Variants in PCDHA9 observed in about 807,000 individuals in gnomAD.
PCDHA9 encodes the protein protocadherin alpha-9.
A neutral mutation model predicts 62.0 loss-of-function variants in PCDHA9; 62 were observed. The ratio of observed to expected loss-of-function variants is 1.00; its 90% CI spans 0.81 to 1.23. The LOEUF is 1.23. PCDHA9 is among the 50% of genes most tolerant of loss of function. PCDHA9 has a pLI of 0.00. For synonymous variants in PCDHA9, 557 were observed against 567.6 expected, an observed-to-expected ratio of 0.98 and a Z score of 0.27; for missense variants, 1,205 against 1,249.8, an observed-to-expected ratio of 0.96 and a Z score of 0.54.
intron 1 of PCDHA9, among the ~76,000 whole-genome samples, chr5:140,961,220 G>T (rs2095597952): frequency 6.6e-6 from 1 of 152,032 alleles, no homozygotes; most frequent in Non-Finnish European, 1.5e-5. Flanking sequence ...GAAGAAACTG[G>T]GTCCCAAAAA....
At chr5:140,858,512 T>C in intron 1 of PCDHA9, 1 of 1,426,790 alleles carries the variant, frequency 7.0e-7, no homozygotes, top group Non-Finnish European at 9.7e-7. Flanking sequence ...CTCAAATATG[T>C]ATCAGAATAT....
At chr5:140,852,978 A>T in intron 1 of PCDHA9, 1 of 358,934 alleles carries the variant, frequency 2.8e-6, no homozygotes, top group Non-Finnish European at 4.1e-6. Flanking sequence ...TCCCGTGTTC[A>T]CGCCATTCTC....
intron 1 of PCDHA9, among the ~76,000 whole-genome samples, chr5:140,973,010 T>C (rs2096567986): frequency 6.6e-6 from 1 of 152,080 alleles, no homozygotes; most frequent in Admixed American, 6.6e-5. Context: ...GGTCGTGGTG[T>C]TGTGATTGTT....
At chr5:140,937,009 C>A (rs1409113092) in intron 1 of PCDHA9, among the ~76,000 whole-genome samples, 11 of 151,930 alleles carry the variant, frequency 7.2e-5, no homozygotes, top group African/African-American at 1.9e-4. Context: ...AGACAGACAA[C>A]CGATTAACAA....
chr5:140,970,873 A>G (rs138100298), intron 1 of PCDHA9, among the ~76,000 whole-genome samples: 80 of 152,316 alleles, frequency 5.3e-4, no homozygotes, highest in African/African-American at 1.8e-3. Context: ...GATTGAGAGT[A>G]GATTTTTCTC....
At chr5:140,940,894 T>G (rs1364224332) in intron 1 of PCDHA9, among the ~76,000 whole-genome samples, 1 of 152,240 alleles carries the variant, frequency 6.6e-6, no homozygotes, top group Non-Finnish European at 1.5e-5. Flanking sequence ...AGTAAACCAC[T>G]TTAAATCAAG....
intron 1 of PCDHA9, among the ~76,000 whole-genome samples, chr5:140,935,364 G>A (rs1480423579): frequency 2.0e-5 from 3 of 152,008 alleles, no homozygotes; most frequent in African/African-American, 4.8e-5. Flanking sequence ...TTTCATTAAC[G>A]TCAACAGAAT....
intron 1 of PCDHA9, chr5:140,857,893 T>A (rs781996912): frequency 6.3e-7 from 1 of 1,596,578 alleles, no homozygotes; most frequent in South Asian, 1.1e-5. Flanking sequence ...CGGCGGCGGT[T>A]GGTGCACGCA....
Position 140,849,541 on chromosome 5 carries a change from A to C in PCDHA9, c.1046A>C (p.Gln349Pro). Reference protein sequence around the residue: ...EVVDVNDNAPQLTIKTLSVPV... With the variant: ...EVVDVNDNAPPLTIKTLSVPV... ...GTGGATGTAAATGACAATGCTCCAC[A>C]GTTGACTATCAAAACGCTCTCGGTT... Residue 349 changes from glutamine to proline, a missense_variant, in exon 1 of 4, where the codon CAG becomes CCG. Gln to Pro is a moderately conservative substitution (Grantham distance 76, BLOSUM62 -1). Transcript: ENST00000532602. 6.3e-7 allele frequency: 1 copy of C among 1,598,262 alleles called. No individual in the cohort carries two copies. Among genetic ancestry groups the C allele is most frequent in the Non-Finnish European group, 8.6e-7 (1 of 1,167,810 alleles).
chr5:140,910,019 T>C (rs2074838579), intron 1 of PCDHA9, among the ~76,000 whole-genome samples: 1 of 152,222 alleles, frequency 6.6e-6, no homozygotes, highest in Non-Finnish European at 1.5e-5. Flanking sequence ...CATCCTTGTA[T>C]CCCTGGGATA....
chr5:140,884,305 G>A (rs1223534357), intron 1 of PCDHA9: 2 of 1,613,602 alleles, frequency 1.2e-6, no homozygotes, highest in Non-Finnish European at 1.7e-6. Context: ...CACAGGCTTC[G>A]TCGAGGGCGT....
chr5:140,954,405 G>T (rs246023), intron 1 of PCDHA9, among the ~76,000 whole-genome samples: 85,299 of 151,648 alleles, frequency 0.56, 24,568 homozygotes, highest in African/African-American at 0.69. Context: ...CCACCAACAG[G>T]GTAAAGGTGT....
intron 1 of PCDHA9, among the ~76,000 whole-genome samples, chr5:140,890,783 A>G (rs150043569): frequency 1.3e-5 from 2 of 152,302 alleles, no homozygotes; most frequent in African/African-American, 4.8e-5. Context: ...CCCATAAGAT[A>G]TTAGTATTAT....
chr5:140,982,545 G>C lies in PCDHA9; in HGVS notation c.2524G>C (p.Val842Leu), dbSNP rs782544627. The change falls in exon 3 of 4, where the codon GTA becomes CTA. Residue 842 changes from valine (V) to leucine (L), a missense_variant. Val to Leu is a conservative substitution (Grantham distance 32). Transcript: ENST00000532602. The stretch of plus-strand genomic sequence containing the variant: ...AGGGCCTGATCAGCAGTGGCCAACA[G>C]TATCCAGTGCAACACCAGGTAAAGA... ...PGGPDQQWPT[V>L]SSATPEPEAG... The C allele has an allele frequency of 6.2e-6, 10 of 1,614,088 alleles. No individual in the cohort carries two copies. The East Asian group carries it at 2.2e-4, about 36-fold the overall frequency.
chr5:140,929,306 A>G lies in PCDHA9; in HGVS notation c.2395-49643A>G, dbSNP rs781950847. 9 of 1,572,580 alleles carry G rather than the reference A, an allele frequency of 5.7e-6. No homozygotes were observed. The Admixed American group carries it at 9.0e-5, about 16-fold the overall frequency. On this transcript the variant is annotated intron_variant, in intron 1 of 3. Coordinates refer to ENST00000532602, the MANE Select transcript of PCDHA9 (RefSeq NM_031857.2). The stretch of plus-strand genomic sequence containing the variant: ...CAGATTCGGAATAGGAAAGGGGATC[A>G]CGCTAATGTCAATGCCATGGTAAGC...
chr5:140,869,240 G>A (rs1262436049), intron 1 of PCDHA9: 1 of 1,613,514 alleles, frequency 6.2e-7, no homozygotes, highest in African/African-American at 1.3e-5. Context: ...ACCTTCGTGG[G>A]CCGCATCGCG....
In PCDHA9 at chr5:140,848,769, C is replaced by A. The variant is rs2150419947; in HGVS notation, c.274C>A (p.Arg92Ser). Residue 92 changes from arginine to serine, a missense_variant, in exon 1 of 4, where the codon CGC becomes AGC. By Grantham distance (110) the Arg-to-Ser change is moderately radical. Coordinates refer to ENST00000532602, the MANE Select transcript of PCDHA9 (RefSeq NM_031857.2). ...TTTGTTTGTGAATTCTCGGATCGAC[C>A]GCGAGGAGCTGTGCGGGCGGAGCGC... ...GILFVNSRID[R>S]EELCGRSAEC... 9.6e-5 allele frequency: 153 copies of A among 1,593,410 alleles called. 12 individuals are homozygous for A. The Admixed American group carries it at 1.9e-3, about 20-fold the overall frequency.
Position 140,856,142 on chromosome 5 carries a change from T to C in PCDHA9, c.2394+5253T>C. 6.3e-7 allele frequency: 1 copy of C among 1,598,234 alleles called. No homozygotes were observed. Among genetic ancestry groups the C allele is most frequent in the Non-Finnish European group, 8.6e-7 (1 of 1,167,842 alleles). ...GGAGGTGGGGAGCGGCCAGCTCCAC[T>C]ACTCAGTCTACGAGGAGGCCAGACA... On this transcript the variant is annotated intron_variant, in intron 1 of 3. Transcript: ENST00000532602.
intron 1 of PCDHA9, among the ~76,000 whole-genome samples, chr5:140,950,025 T>C (rs907309880): frequency 6.6e-6 from 1 of 151,922 alleles, no homozygotes; most frequent in East Asian, 1.9e-4. Context: ...TCATAAAATA[T>C]AGAAAAGTTA....
Sources: gnomAD v4.1 joint callset for allele counts (sites outside exome capture counted in the v4.1 genomes callset) on GRCh38, gnomAD v4.1.1 for gene constraint, MANE v1.5 for transcripts, NCBI Gene and HGNC (gene_info 2026-07-23, HGNC 2026-07-21) for gene names.